CHRNA5: variants seen among roughly 807,000 people sequenced by gnomAD.
CHRNA5 encodes the protein neuronal acetylcholine receptor subunit alpha-5.
A neutral mutation model predicts 41.2 loss-of-function variants in CHRNA5; 28 were observed. That is an observed-to-expected ratio of 0.68 (90% CI 0.50 to 0.93). CHRNA5 has a LOEUF of 0.93. CHRNA5 is among the 40% of genes least tolerant of loss of function. The pLI, the probability that CHRNA5 is intolerant of heterozygous loss-of-function variation, is 0.00. For synonymous variants in CHRNA5, 188 were observed against 205.8 expected, an observed-to-expected ratio of 0.91 and a Z score of 0.74; for missense variants, 481 against 581.9, an observed-to-expected ratio of 0.83 and a Z score of 1.78.
intron 1 of CHRNA5, among the ~76,000 whole-genome samples, chr15:78,571,017 C>T (rs575470848): frequency 3.5e-4 from 54 of 152,314 alleles, no homozygotes; most frequent in African/African-American, 1.1e-3. Context: ...GTCTTGTTGA[C>T]CAGGGCTTCT....
intron 1 of CHRNA5, among the ~76,000 whole-genome samples, chr15:78,575,874 T>C (rs1409450227): frequency 1.3e-5 from 2 of 152,234 alleles, no homozygotes; most frequent in South Asian, 2.1e-4. Flanking sequence ...TGGTATTGAT[T>C]TGTGTTTTCC....
At chr15:78,567,411 T>C (rs567863626) in intron 1 of CHRNA5, among the ~76,000 whole-genome samples, 1 of 152,342 alleles carries the variant, frequency 6.6e-6, no homozygotes, top group South Asian at 2.1e-4. Context: ...AACTGAACTT[T>C]AAAAATCTGT....
intron 2 of CHRNA5, among the ~76,000 whole-genome samples, chr15:78,582,932 C>T (rs1337817441): frequency 1.3e-5 from 2 of 152,198 alleles, no homozygotes; most frequent in African/African-American, 4.8e-5. Context: ...AATTTTCCTA[C>T]TGGCACTAGC....
At chr15:78,583,291 G>T (rs570685799) in intron 2 of CHRNA5, among the ~76,000 whole-genome samples, 2 of 152,312 alleles carry the variant, frequency 1.3e-5, no homozygotes, top group East Asian at 3.9e-4. Context: ...AAAATGAAAG[G>T]CAAGTTAGAA....
At chr15:78,581,375 G>A (rs1442000672) in intron 2 of CHRNA5, among the ~76,000 whole-genome samples, 1 of 152,046 alleles carries the variant, frequency 6.6e-6, no homozygotes, top group Admixed American at 6.6e-5. Flanking sequence ...CATTATCTTG[G>A]GCTCACACTT....
intron 4 of CHRNA5, 45 bp from the exon 5 acceptor site, chr15:78,589,760 C>A: frequency 7.4e-7 from 1 of 1,345,266 alleles, no homozygotes; most frequent in Non-Finnish European, 1.0e-6. Context: ...AATTCATGTG[C>A]ATTGTTTAAT....
chr15:78,590,345 A>G lies in CHRNA5; in HGVS notation c.954A>G (p.Val318=), dbSNP rs1214330978. 8 of 1,614,178 alleles carry G rather than the reference A, an allele frequency of 5.0e-6. No individual in the cohort carries two copies. The East Asian group carries it at 1.8e-4, about 36-fold the overall frequency. The change falls in exon 5 of 6, where the codon GTA becomes GTG. Residue 318 remains valine (V), a synonymous_variant. Transcript: ENST00000299565. ...TACCTCTAATTGGAGAGTATCTGGT[A>G]TTTACCATGATTTTTGTGACACTGT...
At position 78,588,884 on chromosome 15, in the gene CHRNA5, A is replaced by ATTT. The variant is rs35117191; in HGVS notation, c.413+472_413+474dup. On this transcript the variant is annotated intron_variant, in intron 4 of 5. Coordinates refer to ENST00000299565, the Ensembl canonical transcript of CHRNA5. This position sits in a 1 kb window ranked among gnomAD's most constrained non-coding sequence, Gnocchi z 4.1. ...CATCCTACCTAGGTGTGTTTTGAGGATTTTTTTTTTTTTAACTTAGGGGAG... is the reference window on the plus strand; with the variant it reads ...CATCCTACCTAGGTGTGTTTTGAGGATTTTTTTTTTTTTTTTAACTTAGGGGAG... 3.4e-5 allele frequency among the ~76,000 whole-genome samples: 5 copies of ATTT among 147,328 alleles called. No individual in the cohort carries two copies. The highest frequency in any genetic ancestry group is 2.0e-4 in the East Asian group (1 of 5,102).
At chr15:78,593,030 A>T (rs2053036034) in intron 5 of CHRNA5, 62 bp from the exon 6 acceptor site, 1 of 1,562,796 alleles carries the variant, frequency 6.4e-7, no homozygotes, top group Admixed American at 1.9e-5. Flanking sequence ...TGTGTTTGTT[A>T]TATCTTAAAA....
chr15:78,586,567 C>A, intron 2 of CHRNA5, 78 bp from the exon 3 acceptor site: 2 of 858,502 alleles, frequency 2.3e-6, no homozygotes, highest in Admixed American at 2.1e-5. Context: ...GTTTATATAA[C>A]AATGTGAAAT....
intron 2 of CHRNA5, among the ~76,000 whole-genome samples, chr15:78,582,763 A>G (rs902686609): frequency 1.3e-5 from 2 of 152,218 alleles, no homozygotes; most frequent in East Asian, 1.9e-4. Flanking sequence ...TTGTAGGTAT[A>G]TAAGTGATAA....
intron 1 of CHRNA5, 77 bp downstream of exon 1, chr15:78,565,902 G>A: frequency 2.2e-6 from 2 of 895,804 alleles, no homozygotes; most frequent in Non-Finnish European, 2.9e-6. Context: ...GCCGCCAGGC[G>A]ACGGCCGCCG....
intron 1 of CHRNA5, among the ~76,000 whole-genome samples, chr15:78,579,249 G>A (rs1301151571): frequency 6.6e-6 from 1 of 151,286 alleles, no homozygotes; most frequent in Non-Finnish European, 1.5e-5. Context: ...TTGTTTGTTT[G>A]TTTGTTTGTT....
chr15:78,570,878 C>T (rs2052798494), intron 1 of CHRNA5, among the ~76,000 whole-genome samples: 1 of 152,164 alleles, frequency 6.6e-6, no homozygotes, highest in Admixed American at 6.5e-5. Flanking sequence ...GGATGTTTAG[C>T]AGCATACTGG....
chr15:78,569,654 C>A (rs1366498406), intron 1 of CHRNA5, among the ~76,000 whole-genome samples: 1 of 151,508 alleles, frequency 6.6e-6, no homozygotes, highest in Admixed American at 6.6e-5. Context: ...AGGATGGTCT[C>A]GATCTCCTGA....
chr15:78,576,948 T>A lies in CHRNA5; in HGVS notation c.107-3863T>A, dbSNP rs16969951. Among the ~76,000 whole-genome samples the A allele has an allele frequency of 8.3e-3, 1,267 of 152,348 alleles. 21 individuals are homozygous for A. Among genetic ancestry groups the A allele is most frequent in the African/African-American group, 0.029 (1,206 of 41,572 alleles). On this transcript the variant is annotated intron_variant, in intron 1 of 5. Coordinates refer to ENST00000299565, the Ensembl canonical transcript of CHRNA5. The stretch of plus-strand genomic sequence containing the variant: ...AAAAGAATTTTTCCATTTGATTCAG[T>A]TTATTTAGAATTTACCTTACATATA...
exon 6 of CHRNA5, chr15:78,593,343 AATTT>A: frequency 1.5e-6 from 2 of 1,297,204 alleles, no homozygotes; most frequent in African/African-American, 1.5e-5. Context: ...TTATGTGTTA[AATTT>A]AGTGCAAGCT....
intron 1 of CHRNA5, among the ~76,000 whole-genome samples, chr15:78,566,054 A>G (rs1360167334): frequency 2.6e-5 from 4 of 152,168 alleles, no homozygotes; most frequent in African/African-American, 9.7e-5. Flanking sequence ...CACGACCTGC[A>G]TCGCTGGAGA....
At chr15:78,570,347 C>T (rs1490644521) in intron 1 of CHRNA5, among the ~76,000 whole-genome samples, 1 of 150,818 alleles carries the variant, frequency 6.6e-6, no homozygotes, top group African/African-American at 2.4e-5. Context: ...ACACCTCTGG[C>T]TCCTGGGTCC....
Sources: gnomAD v4.1 joint callset for allele counts (sites outside exome capture counted in the v4.1 genomes callset) on GRCh38, gnomAD v4.1.1 for gene constraint, Gnocchi (gnomAD v3.1) non-coding constraint, MANE v1.5 for transcripts, NCBI Gene and HGNC (gene_info 2026-07-23, HGNC 2026-07-21) for gene names.